Variants in LPGAT1 observed in about 807,000 individuals in gnomAD.
LPGAT1 encodes acyl-CoA:lysophosphatidylglycerol acyltransferase 1.
Under a neutral mutation model 47.5 loss-of-function variants are expected in LPGAT1, and 11 were observed. The observed-to-expected ratio is 0.23, with a 90% confidence interval of 0.15 to 0.38. The LOEUF (loss-of-function observed/expected upper bound fraction) is 0.38. LPGAT1 is among the 10% of genes least tolerant of loss of function. The pLI, the probability that LPGAT1 is intolerant of heterozygous loss-of-function variation, is 1.00. For missense variants in LPGAT1, 293 were observed against 439.0 expected (o/e 0.67, Z 2.97); for synonymous variants, 138 against 144.2 (o/e 0.96, Z 0.31).
intron 4 of LPGAT1, 139 bp downstream of exon 4, chr1:211,787,489 CAAAA>C (rs374026763): frequency 8.2e-3 from 1,559 of 189,248 alleles, no homozygotes; most frequent in South Asian, 0.013. Context: ...CTCTGTCTCT[CAAAA>C]AAAAAAAAAA....
Position 211,787,623 on chromosome 1 carries a change from A to G in LPGAT1, c.453+9T>C, listed in dbSNP as rs778667178. ...CTATCACTGCGGGGAAAAAGTGCTC[A>G]TTACTTACCTGTCTTATAAAGAAGT... On this transcript the variant is annotated intron_variant, in intron 4 of 7. Coordinates refer to ENST00000366997, the MANE Select transcript of LPGAT1 (RefSeq NM_014873.3). 6.7e-6 allele frequency: 10 copies of G among 1,502,706 alleles called. No individual in the cohort carries two copies. In the South Asian group the frequency reaches 1.1e-4, roughly 16 times the overall value. The allele number at this position is 1,502,706 out of a possible 1,614,324, so 93.1% of individuals were successfully genotyped here.
At chr1:211,760,732 C>A (rs546714813) in intron 6 of LPGAT1, among the ~76,000 whole-genome samples, 1 of 152,294 alleles carries the variant, frequency 6.6e-6, no homozygotes, top group East Asian at 1.9e-4. Context: ...AGACTCCGAG[C>A]AGAATAAAGC....
At chr1:211,796,896 CTT>C (rs1659373211) in intron 2 of LPGAT1, among the ~76,000 whole-genome samples, 1 of 152,114 alleles carries the variant, frequency 6.6e-6, no homozygotes, top group African/African-American at 2.4e-5. Flanking sequence ...TCAATCAGAA[CTT>C]AGCCAAAATT....
At chr1:211,778,424 C>A (rs1212704228) in intron 6 of LPGAT1, among the ~76,000 whole-genome samples, 1 of 151,226 alleles carries the variant, frequency 6.6e-6, no homozygotes, top group Non-Finnish European at 1.5e-5. Flanking sequence ...CAAGAAAGAA[C>A]CATAAAAATG....
intron 2 of LPGAT1, among the ~76,000 whole-genome samples, chr1:211,805,916 T>C (rs953287873): frequency 1.3e-5 from 2 of 152,108 alleles, no homozygotes; most frequent in Admixed American, 6.6e-5. Context: ...TCCAACAGTA[T>C]ATACCATGAC....
chr1:211,810,222 T>C (rs1382600588), intron 2 of LPGAT1, among the ~76,000 whole-genome samples: 1 of 152,338 alleles, frequency 6.6e-6, no homozygotes, highest in Non-Finnish European at 1.5e-5. Flanking sequence ...TTCATTCAAC[T>C]GGTTTTATTT....
intron 3 of LPGAT1, among the ~76,000 whole-genome samples, chr1:211,791,057 T>C (rs938458679): frequency 2.0e-5 from 3 of 152,160 alleles, no homozygotes; most frequent in Non-Finnish European, 4.4e-5. Context: ...TAAATGCAAA[T>C]ATATCTACAT....
chr1:211,830,753 T>C lies in LPGAT1; in HGVS notation c.-208A>G. ...TCGGTCCCCAAGGGCCCGGCCGCGTTCGCCCGGACTGGCGGGGAGGGGCGG... is the reference window on the plus strand; with the variant it reads ...TCGGTCCCCAAGGGCCCGGCCGCGTCCGCCCGGACTGGCGGGGAGGGGCGG... On this transcript the variant is annotated 5_prime_UTR_variant, in exon 1 of 8. Transcript: ENST00000366997. The surrounding 1 kb of genome is among the most constrained non-coding windows in gnomAD (Gnocchi z 5.9). 1 of 1,160,830 alleles carries C rather than the reference T, an allele frequency of 8.6e-7. No individual in the cohort carries two copies. Among genetic ancestry groups the C allele is most frequent in the Non-Finnish European group, 1.1e-6 (1 of 942,742 alleles). 71.9% of individuals were successfully genotyped at this position (1,160,830 alleles called of 1,614,324 possible).
intron 6 of LPGAT1, among the ~76,000 whole-genome samples, chr1:211,770,425 G>A (rs1431188112): frequency 6.6e-6 from 1 of 152,034 alleles, no homozygotes; most frequent in African/African-American, 2.4e-5. Flanking sequence ...AAGTCTTTGT[G>A]TCTTTTGTAC....
chr1:211,811,548 G>C (rs1358045763), intron 2 of LPGAT1, among the ~76,000 whole-genome samples: 2 of 152,208 alleles, frequency 1.3e-5, no homozygotes, highest in Non-Finnish European at 2.9e-5. Context: ...CTTGAGGCCA[G>C]GAGTTCAAGA....
chr1:211,748,074 CT>C lies in LPGAT1; in HGVS notation c.*1824del, dbSNP rs1657014457. The C allele has an allele frequency of 6.6e-6, 1 of 151,186 alleles. No homozygotes were observed. The highest frequency in any genetic ancestry group is 6.7e-5 in the Admixed American group (1 of 14,922). 9.4% of individuals were successfully genotyped at this position (151,186 alleles called of 1,614,324 possible). ...CCACATAACTGGGGAAAATTCACAT[CT>C]TTTCTGTTTTTTTTTGGTTTATTTA... On this transcript the variant is annotated 3_prime_UTR_variant, in exon 8 of 8. Coordinates refer to ENST00000366997, the MANE Select transcript of LPGAT1 (RefSeq NM_014873.3).
chr1:211,773,323 AAT>A (rs1252353798), intron 6 of LPGAT1, among the ~76,000 whole-genome samples: 4 of 152,138 alleles, frequency 2.6e-5, no homozygotes, highest in African/African-American at 4.8e-5. Flanking sequence ...TCAAAATGTT[AAT>A]GTTTGTTTAC....
At position 211,830,097 on chromosome 1, in the gene LPGAT1, A is replaced by T; in HGVS notation, c.-28+476T>A. ...AAAGGGGCAGAGAAGAGGCGACCGC[A>T]GCGCGGGGAGCCGGTGGAGCCTGCA... On this transcript the variant is annotated intron_variant, in intron 1 of 7. Coordinates refer to ENST00000366997, the MANE Select transcript of LPGAT1 (RefSeq NM_014873.3). This position sits in a 1 kb window ranked among gnomAD's most constrained non-coding sequence, Gnocchi z 5.9. The T allele has an allele frequency of 1.0e-6, 1 of 984,688 alleles. No homozygotes were observed. The allele number at this position is 984,688 out of a possible 1,614,324, so 61.0% of individuals were successfully genotyped here.
Position 211,749,992 on chromosome 1 carries a change from G to C in LPGAT1, c.1020C>G (p.Ser340Arg), listed in dbSNP as rs147113335. ...ACTGTATGAGAAATATCCACAAGTT[G>C]CTGAGGGTCATCTCCCTGGAAACAG... is the stretch of plus-strand genomic sequence containing the variant. ...KEAVSREMTL[S>R]NLWIFLIQSF... Residue 340 changes from serine (S) to arginine (R), a missense_variant, in exon 8 of 8, where the codon AGC (serine) becomes AGG (arginine). By Grantham distance (110) the Ser-to-Arg change is moderately radical. Transcript: ENST00000366997. The C allele has an allele frequency of 2.4e-5, 39 of 1,613,920 alleles. No individual in the cohort carries two copies. Among genetic ancestry groups the C allele is most frequent in the Non-Finnish European group, 3.1e-5 (37 of 1,179,918 alleles).
At chr1:211,771,430 T>C (rs1302739932) in intron 6 of LPGAT1, among the ~76,000 whole-genome samples, 2 of 152,122 alleles carry the variant, frequency 1.3e-5, no homozygotes, top group Non-Finnish European at 2.9e-5. Flanking sequence ...TCAAACACTT[T>C]ATTGTGTCTC....
At chr1:211,825,699 G>A (rs1206813702) in intron 2 of LPGAT1, among the ~76,000 whole-genome samples, 1 of 152,208 alleles carries the variant, frequency 6.6e-6, no homozygotes, top group Non-Finnish European at 1.5e-5. Flanking sequence ...GATGGCTCAC[G>A]CCTATAATCC....
In LPGAT1 at chr1:211,830,199, G is replaced by C. The variant is rs1376372153; in HGVS notation, c.-28+374C>G. 19 of 983,162 alleles carry C rather than the reference G, an allele frequency of 1.9e-5. No individual in the cohort carries two copies. Among genetic ancestry groups the C allele is most frequent in the Non-Finnish European group, 2.3e-5 (19 of 829,332 alleles). The allele number at this position is 983,162 out of a possible 1,614,324, so 60.9% of individuals were successfully genotyped here. The stretch of plus-strand genomic sequence containing the variant: ...CGGGCTCACCTCGGCGGGCGCGGAC[G>C]GCGGGCGGCTGCGGAGAGCGGGGGC... On this transcript the variant is annotated intron_variant, in intron 1 of 7. Transcript: ENST00000366997. This position sits in a 1 kb window ranked among gnomAD's most constrained non-coding sequence, Gnocchi z 5.9.
rs1179972642 is a variant in LPGAT1, at chr1:211,749,788, ATTTCT to A, written c.*106_*110del. The A allele has an allele frequency of 6.3e-6, 7 of 1,105,724 alleles. No individual in the cohort carries two copies. The highest frequency in any genetic ancestry group is 9.4e-6 in the Non-Finnish European group (7 of 747,374). 68.5% of individuals were successfully genotyped at this position (1,105,724 alleles called of 1,614,324 possible). The stretch of plus-strand genomic sequence containing the variant: ...GGATAAATATTAATCCATCCATTGA[ATTTCT>A]TTTGCTTTTTTTTAAATATATTCTG... On this transcript the variant is annotated 3_prime_UTR_variant, in exon 8 of 8. Coordinates refer to ENST00000366997, the MANE Select transcript of LPGAT1 (RefSeq NM_014873.3).
chr1:211,772,727 C>T (rs576300232), intron 6 of LPGAT1, among the ~76,000 whole-genome samples: 12 of 152,136 alleles, frequency 7.9e-5, no homozygotes, highest in African/African-American at 2.6e-4. Flanking sequence ...TGGCAATTGT[C>T]GAGGGGGTGT....
Sources: gnomAD v4.1 joint callset for allele counts (sites outside exome capture counted in the v4.1 genomes callset) on GRCh38, gnomAD v4.1.1 for gene constraint, Gnocchi (gnomAD v3.1) non-coding constraint, MANE v1.5 for transcripts, NCBI Gene and HGNC (gene_info 2026-07-23, HGNC 2026-07-21) for gene names.